Variants in CNTNAP5 observed in about 807,000 individuals in gnomAD.
The protein encoded by CNTNAP5 is contactin-associated protein-like 5.
CNTNAP5 carries 72 observed loss-of-function variants against 150.2 expected under a neutral mutation model. The observed-to-expected ratio is 0.48, with a 90% confidence interval of 0.40 to 0.58. The LOEUF is 0.58. CNTNAP5 is among the 20% of genes least tolerant of loss of function. CNTNAP5 has a pLI of 0.00. For missense variants in CNTNAP5, 1,636 were observed against 1,626.2 expected, an observed-to-expected ratio of 1.01 and a Z score of -0.10; for synonymous variants, 672 against 619.8, an observed-to-expected ratio of 1.08 and a Z score of -1.25.
intron 3 of CNTNAP5, among the ~76,000 whole-genome samples, chr2:124,324,821 G>A (rs901885232): frequency 6.6e-6 from 1 of 152,132 alleles, no homozygotes; most frequent in Non-Finnish European, 1.5e-5. Context: ...TGGAAAAGGG[G>A]CATTTTATAA....
At chr2:124,818,539 A>G (rs1012663118) in intron 19 of CNTNAP5, among the ~76,000 whole-genome samples, 1 of 152,124 alleles carries the variant, frequency 6.6e-6, no homozygotes, top group African/African-American at 2.4e-5. Flanking sequence ...CTCTTAAAAA[A>G]AATACATCTC....
intron 1 of CNTNAP5, among the ~76,000 whole-genome samples, chr2:124,030,334 C>A (rs1490285911): frequency 6.6e-6 from 1 of 151,958 alleles, no homozygotes; most frequent in Non-Finnish European, 1.5e-5. Context: ...CATAAATTAC[C>A]AAGGCAGTAC....
chr2:124,217,852 C>G (rs577976792), intron 1 of CNTNAP5, among the ~76,000 whole-genome samples: 79 of 152,196 alleles, frequency 5.2e-4, no homozygotes, highest in South Asian at 1.0e-3. Context: ...TAAAATGACT[C>G]TATGGCTGGA....
intron 3 of CNTNAP5, among the ~76,000 whole-genome samples, chr2:124,288,498 T>G (rs902542656): frequency 6.6e-6 from 1 of 152,184 alleles, no homozygotes; most frequent in African/African-American, 2.4e-5. Context: ...TTTTAAAAAT[T>G]TAATTGTTTG....
intron 3 of CNTNAP5, among the ~76,000 whole-genome samples, chr2:124,413,713 C>A (rs61517533): frequency 0.39 from 1,370 of 3,544 alleles, 360 homozygotes; most frequent in East Asian, 1. Flanking sequence ...GGGGAATATC[C>A]CACTCTGGGG....
At chr2:124,053,877 G>A (rs929870659) in intron 1 of CNTNAP5, among the ~76,000 whole-genome samples, 2 of 152,122 alleles carry the variant, frequency 1.3e-5, no homozygotes, top group African/African-American at 4.8e-5. Context: ...ACAAGCATCT[G>A]ATCTTAGGAA....
At chr2:124,121,530 T>C (rs7592198) in intron 1 of CNTNAP5, among the ~76,000 whole-genome samples, 65,984 of 152,078 alleles carry the variant, frequency 0.43, 14,717 homozygotes, top group Admixed American at 0.54. Context: ...GTCAACACAA[T>C]TATTGCCTAT....
intron 1 of CNTNAP5, among the ~76,000 whole-genome samples, chr2:124,093,304 C>A (rs944723029): frequency 4.6e-5 from 7 of 152,166 alleles, no homozygotes; most frequent in African/African-American, 1.7e-4. Flanking sequence ...AGAATAGCTA[C>A]CTGAGAGCTT....
At chr2:124,600,391 C>A (rs1696958117) in intron 11 of CNTNAP5, among the ~76,000 whole-genome samples, 1 of 152,012 alleles carries the variant, frequency 6.6e-6, no homozygotes, top group Non-Finnish European at 1.5e-5. Context: ...GCACTAGTAA[C>A]ATGTATCAGT....
At chr2:124,501,732 A>G (rs902078626) in intron 7 of CNTNAP5, among the ~76,000 whole-genome samples, 6 of 152,182 alleles carry the variant, frequency 3.9e-5, no homozygotes, top group Non-Finnish European at 8.8e-5. Flanking sequence ...GTCAGCAGTA[A>G]GCACAGCTGA....
At chr2:124,209,648 G>A (rs1373630844) in intron 1 of CNTNAP5, among the ~76,000 whole-genome samples, 2 of 152,198 alleles carry the variant, frequency 1.3e-5, no homozygotes, top group Non-Finnish European at 2.9e-5. Context: ...AAGCAATTGA[G>A]CAATTCTCTG....
At chr2:124,451,817 G>A (rs1284503703) in intron 6 of CNTNAP5, among the ~76,000 whole-genome samples, 1 of 152,134 alleles carries the variant, frequency 6.6e-6, no homozygotes, top group Non-Finnish European at 1.5e-5. Flanking sequence ...GATTACGGGA[G>A]AAGATTTTGA....
At chr2:124,284,751 G>T (rs1013115796) in intron 3 of CNTNAP5, among the ~76,000 whole-genome samples, 1 of 151,992 alleles carries the variant, frequency 6.6e-6, no homozygotes, top group African/African-American at 2.4e-5. Context: ...AAGAATGAAT[G>T]TTTGAAACAG....
intron 1 of CNTNAP5, among the ~76,000 whole-genome samples, chr2:124,034,848 A>G (rs575421215): frequency 6.6e-6 from 1 of 152,190 alleles, no homozygotes; most frequent in Non-Finnish European, 1.5e-5. Context: ...AAGTTGAGAG[A>G]GCCACATTAC....
chr2:124,323,260 G>A (rs899337906), intron 3 of CNTNAP5, among the ~76,000 whole-genome samples: 1 of 152,140 alleles, frequency 6.6e-6, no homozygotes. Context: ...ACAAAACAGA[G>A]ATCTCAGATC....
At chr2:124,806,693 TAGAA>T (rs1447642154) in intron 19 of CNTNAP5, among the ~76,000 whole-genome samples, 1 of 152,140 alleles carries the variant, frequency 6.6e-6, no homozygotes, top group African/African-American at 2.4e-5. Flanking sequence ...TCATTGTTTA[TAGAA>T]AGAAAAAAGG....
intron 3 of CNTNAP5, among the ~76,000 whole-genome samples, chr2:124,304,989 C>A (rs958943590): frequency 6.6e-5 from 10 of 151,542 alleles, no homozygotes; most frequent in African/African-American, 1.9e-4. Flanking sequence ...CTGCAGGCCA[C>A]ATGTGGTGGC....
chr2:124,783,284 C>T (rs1328213761), intron 17 of CNTNAP5, among the ~76,000 whole-genome samples: 4 of 152,122 alleles, frequency 2.6e-5, no homozygotes, highest in African/African-American at 9.7e-5. Flanking sequence ...TAAAAACAGC[C>T]TCAATCATTG....
At chr2:124,658,256 C>A (rs755686753) in intron 13 of CNTNAP5, among the ~76,000 whole-genome samples, 2 of 152,290 alleles carry the variant, frequency 1.3e-5, no homozygotes, top group South Asian at 2.1e-4. Flanking sequence ...GAGCTGCCCT[C>A]TGACTCCCAG....
Sources: gnomAD v4.1 joint callset for allele counts (sites outside exome capture counted in the v4.1 genomes callset) on GRCh38, gnomAD v4.1.1 for gene constraint, MANE v1.5 for transcripts, NCBI Gene and HGNC (gene_info 2026-07-23, HGNC 2026-07-21) for gene names.